PCLO: variants seen among roughly 807,000 people sequenced by gnomAD.
PCLO encodes the protein piccolo presynaptic cytomatrix protein, also known as protein piccolo.
In PCLO, 82 loss-of-function variants were observed where a neutral mutation model predicts 427.5. The ratio of observed to expected loss-of-function variants is 0.19; its 90% confidence interval spans 0.16 to 0.23. The LOEUF (loss-of-function observed/expected upper bound fraction) is 0.23. PCLO is among the 10% of genes least tolerant of loss of function. The pLI is 1.00. For missense variants in PCLO, 6,239 were observed against 6,115.9 expected, an observed-to-expected ratio of 1.02 and a Z score of -0.67; for synonymous variants, 2,357 against 2,155.4, an observed-to-expected ratio of 1.09 and a Z score of -2.59.
chr7:82,955,878 T>A lies in PCLO; in HGVS notation c.5075A>T (p.Tyr1692Phe). ...AESSQKKTSL[Y>F]FDEEPELEME... is the part of the protein sequence containing the mutation. ...TTCCAATTCTGGCTCTTCGTCAAAA[T>A]ACAAACTTGTTTTTTTCTGTGATGA... The change falls in exon 5 of 25, where the codon TAT (tyrosine) becomes TTT (phenylalanine). Residue 1692 changes from tyrosine (Y) to phenylalanine (F), a missense_variant. Coordinates refer to ENST00000333891, the MANE Select transcript of PCLO (RefSeq NM_033026.6). 1 of 1,613,928 alleles carries A rather than the reference T, an allele frequency of 6.2e-7. No homozygotes were observed. The highest frequency in any genetic ancestry group is 8.5e-7 in the Non-Finnish European group (1 of 1,179,832).
intron 3 of PCLO, among the ~76,000 whole-genome samples, chr7:83,107,306 G>C (rs766118191): frequency 6.1e-4 from 92 of 152,056 alleles, no homozygotes; most frequent in Non-Finnish European, 1.1e-3. Context: ...CATCCCATTG[G>C]AGTTAAGTGT....
chr7:83,081,258 A>G (rs963367565), intron 3 of PCLO, among the ~76,000 whole-genome samples: 1 of 152,010 alleles, frequency 6.6e-6, no homozygotes, highest in African/African-American at 2.4e-5. Context: ...ACCTCACAAC[A>G]TATCAATGTT....
chr7:82,774,411 G>T (rs1790707360), intron 22 of PCLO, among the ~76,000 whole-genome samples: 1 of 152,074 alleles, frequency 6.6e-6, no homozygotes, highest in Non-Finnish European at 1.5e-5. Context: ...TTTTGCACAA[G>T]TACCAGACCA....
intron 3 of PCLO, among the ~76,000 whole-genome samples, chr7:83,084,938 C>T (rs949990417): frequency 6.6e-6 from 1 of 151,986 alleles, no homozygotes; most frequent in African/African-American, 2.4e-5. Flanking sequence ...TTTGAGAGAC[C>T]AAAGTAGAAA....
intron 16 of PCLO, among the ~76,000 whole-genome samples, chr7:82,831,186 G>T (rs1463301325): frequency 6.6e-6 from 1 of 151,920 alleles, no homozygotes. Context: ...CCATTTTATA[G>T]GTGAGAAAAC....
chr7:82,915,410 C>T lies in PCLO; in HGVS notation c.12576G>A (p.Lys4192=), dbSNP rs745399575. 2 of 1,613,560 alleles carry T rather than the reference C, an allele frequency of 1.2e-6. No homozygotes were observed. The highest frequency in any genetic ancestry group is 1.7e-6 in the Non-Finnish European group (2 of 1,179,714). ...ACATTTTAGGGTCAATTAGTGATTT[C>T]TTATGCTTTGACTGCTTTTGATAAA... ...AILYQKQSKH[K]KSLIDPKMSK... is the part of the protein sequence containing the mutation. Residue 4192 remains lysine (K), a synonymous_variant, in exon 7 of 25, where the codon AAG becomes AAA. Transcript: ENST00000333891.
chr7:83,113,093 C>T lies in PCLO; in HGVS notation c.3300+21157G>A, dbSNP rs577880040. On this transcript the variant is annotated intron_variant, in intron 3 of 24. Transcript: ENST00000333891. ...CTAGCATTTATTGAGCTTTAGCAAG[C>T]GCCATGTACTGTTCTGAAAGTTGTA... 6.6e-5 allele frequency among the ~76,000 whole-genome samples: 10 copies of T among 152,310 alleles called. No homozygotes were observed. The South Asian group carries it at 1.9e-3, about 28-fold the overall frequency.
chr7:83,149,993 A>G (rs1480339116), intron 2 of PCLO, among the ~76,000 whole-genome samples: 1 of 149,374 alleles, frequency 6.7e-6, no homozygotes, highest in Non-Finnish European at 1.5e-5. Flanking sequence ...CATAATGACT[A>G]AAAAAAAAAT....
intron 3 of PCLO, among the ~76,000 whole-genome samples, chr7:83,032,627 T>C (rs1311977530): frequency 6.6e-6 from 1 of 152,158 alleles, no homozygotes; most frequent in African/African-American, 2.4e-5. Context: ...TGATACAATT[T>C]CCTGAAGGGC....
At chr7:82,938,082 C>T (rs1422139918) in intron 6 of PCLO, among the ~76,000 whole-genome samples, 1 of 151,850 alleles carries the variant, frequency 6.6e-6, no homozygotes, top group Non-Finnish European at 1.5e-5. Context: ...TTGAAAACAA[C>T]ATAAAGCATC....
At chr7:83,125,924 C>A (rs535922621) in intron 3 of PCLO, among the ~76,000 whole-genome samples, 1 of 152,102 alleles carries the variant, frequency 6.6e-6, no homozygotes, top group East Asian at 1.9e-4. Context: ...CATATATGCA[C>A]TCCCATGTTT....
rs149033463 is a variant in PCLO, at chr7:83,116,315, G to A, written c.3300+17935C>T. ...TAACATTTTAATAACGTGGGCTTAC[G>A]TAACCCACACATAATGCAGCAAGAA... is the stretch of plus-strand genomic sequence containing the variant. On this transcript the variant is annotated intron_variant, in intron 3 of 24. Transcript: ENST00000333891. Among the ~76,000 whole-genome samples the A allele has an allele frequency of 5.9e-5, 9 of 152,088 alleles. No homozygotes were observed. The East Asian group carries it at 9.7e-4, about 16-fold the overall frequency.
chr7:83,057,515 C>T (rs1285194264), intron 3 of PCLO, among the ~76,000 whole-genome samples: 4 of 149,830 alleles, frequency 2.7e-5, no homozygotes, highest in African/African-American at 7.4e-5. Flanking sequence ...GCGCCCGCCA[C>T]CATGCCCGGC....
Position 83,155,074 on chromosome 7 carries a change from G to A in PCLO, c.1567C>T (p.Gln523Ter). Residue 523 changes from glutamine to a stop codon, truncating the protein, a stop_gained, in exon 2 of 25, where the codon CAG becomes TAG. Transcript: ENST00000333891. LOFTEE classifies it high-confidence loss of function. ...GATGGGGGTTTTGTTGAGCCAGGCTGTTGAGGTGAGGGCTTTGCTGGGCCA... is the reference window on the plus strand; with the variant it reads ...GATGGGGGTTTTGTTGAGCCAGGCTATTGAGGTGAGGGCTTTGCTGGGCCA... The part of the protein sequence containing the change: ...QPGPAKPSPQ[Q>*]PGSTKPPSQQ... 6.2e-7 allele frequency: 1 copy of A among 1,611,302 alleles called. No individual in the cohort carries two copies. The highest frequency in any genetic ancestry group is 8.5e-7 in the Non-Finnish European group (1 of 1,178,758).
At chr7:83,020,170 G>A (rs377628254) in intron 3 of PCLO, among the ~76,000 whole-genome samples, 1 of 152,112 alleles carries the variant, frequency 6.6e-6, no homozygotes, top group African/African-American at 2.4e-5. Flanking sequence ...TTATTACTTG[G>A]ATCTAGTTTG....
At chr7:82,946,235 A>C (rs1795198160) in intron 6 of PCLO, among the ~76,000 whole-genome samples, 1 of 152,162 alleles carries the variant, frequency 6.6e-6, no homozygotes, top group Non-Finnish European at 1.5e-5. Flanking sequence ...TTTTCAATAT[A>C]AATCTTTTCC....
rs1409171065 is a variant in PCLO, at chr7:82,966,492, G to A, written c.3301-5C>T. ...TAAACAAAGCCATTCTTGAATCTGT[G>A]GGAAAAAAATTACAATGAACAGATT... On this transcript the variant is annotated splice_polypyrimidine_tract_variant and splice_region_variant and intron_variant, in intron 3 of 24. Coordinates refer to ENST00000333891, the MANE Select transcript of PCLO (RefSeq NM_033026.6). 6.6e-7 allele frequency: 1 copy of A among 1,522,226 alleles called. No individual in the cohort carries two copies. The highest frequency in any genetic ancestry group is 2.2e-5 in the Admixed American group (1 of 46,268). 94.3% of individuals were successfully genotyped at this position (1,522,226 alleles called of 1,614,324 possible). A position where few individuals can be genotyped will look rare whatever the true frequency, so the allele number is the denominator to read the frequency against.
At chr7:83,113,488 T>C (rs534739604) in intron 3 of PCLO, among the ~76,000 whole-genome samples, 1 of 152,290 alleles carries the variant, frequency 6.6e-6, no homozygotes, top group East Asian at 1.9e-4. Context: ...CTCTTTACCA[T>C]TTGAAATGGG....
chr7:82,864,681 T>C (rs1421948853), intron 10 of PCLO, among the ~76,000 whole-genome samples: 2 of 152,190 alleles, frequency 1.3e-5, no homozygotes, highest in Non-Finnish European at 2.9e-5. Context: ...CTCAAAACGT[T>C]ATACTTTAAT....
Sources: gnomAD v4.1 joint callset for allele counts (sites outside exome capture counted in the v4.1 genomes callset) on GRCh38, gnomAD v4.1.1 for gene constraint, MANE v1.5 for transcripts, NCBI Gene and HGNC (gene_info 2026-07-23, HGNC 2026-07-21) for gene names.